The following CREB3L2 variants were observed in gnomAD, a reference collection of about 807,000 sequenced individuals.
The protein encoded by CREB3L2 is cAMP responsive element binding protein 3 like 2.
A neutral mutation model predicts 57.2 loss-of-function variants in CREB3L2; 23 were observed. That is an observed-to-expected ratio of 0.40 (90% CI 0.29 to 0.57). The LOEUF (loss-of-function observed/expected upper bound fraction) is 0.57. Among genes scored for constraint, CREB3L2 ranks in the 20% least tolerant of loss-of-function variants. The pLI, the probability that CREB3L2 is intolerant of heterozygous loss-of-function variation, is 0.42. For missense variants in CREB3L2, 628 were observed against 634.7 expected, an observed-to-expected ratio of 0.99 and a Z score of 0.11; for synonymous variants, 268 against 265.1, an observed-to-expected ratio of 1.01 and a Z score of -0.11.
chr7:137,956,398 T>C (rs989136686), intron 1 of CREB3L2, among the ~76,000 whole-genome samples: 1 of 152,220 alleles, frequency 6.6e-6, no homozygotes, highest in African/African-American at 2.4e-5. Context: ...AGAAAATCGT[T>C]TCGCAGTGTT....
At position 138,001,826 on chromosome 7, in the gene CREB3L2, G is replaced by A; in HGVS notation, c.-121C>T. The A allele has an allele frequency of 1.5e-6, 1 of 648,574 alleles. No homozygotes were observed. The highest frequency in any genetic ancestry group is 2.5e-6 in the Non-Finnish European group (1 of 407,458). The allele number at this position is 648,574 out of a possible 1,614,324, so 40.2% of individuals were successfully genotyped here. On this transcript the variant is annotated 5_prime_UTR_variant, in exon 1 of 12. Coordinates refer to ENST00000330387, the MANE Select transcript of CREB3L2 (RefSeq NM_194071.4). This position sits in a 1 kb window ranked among gnomAD's most constrained non-coding sequence, Gnocchi z 4.2. ...CTTGCGTGTGTGCGCGCGCGTGTCT[G>A]TAGTTTTGCACTTGGAAAGCAAACG...
At chr7:137,885,241 C>T in intron 9 of CREB3L2, 120 bp from the exon 10 acceptor site, 1 of 1,252,092 alleles carries the variant, frequency 8.0e-7, no homozygotes, top group Non-Finnish European at 1.1e-6. Flanking sequence ...CTGCACCCAC[C>T]AGTCACATCA....
At chr7:137,946,426 G>GAAA (rs34011740) in intron 1 of CREB3L2, among the ~76,000 whole-genome samples, 2 of 102,494 alleles carry the variant, frequency 2.0e-5, no homozygotes, top group Non-Finnish European at 2.1e-5. Context: ...TACAAATGCA[G>GAAA]AAAAAAAAAA....
At chr7:137,957,109 G>A (rs1045297013) in intron 1 of CREB3L2, among the ~76,000 whole-genome samples, 9 of 152,058 alleles carry the variant, frequency 5.9e-5, no homozygotes, top group African/African-American at 2.2e-4. Flanking sequence ...ATGATGACGT[G>A]GAGTTCCCTG....
intron 8 of CREB3L2, among the ~76,000 whole-genome samples, chr7:137,895,151 C>T (rs976435629): frequency 1.3e-5 from 2 of 152,106 alleles, no homozygotes; most frequent in East Asian, 1.9e-4. Context: ...ACTAATGGGC[C>T]GGGCAGTGTA....
intron 10 of CREB3L2, among the ~76,000 whole-genome samples, chr7:137,883,557 G>A (rs1799344559): frequency 6.6e-6 from 1 of 152,142 alleles, no homozygotes; most frequent in Non-Finnish European, 1.5e-5. Flanking sequence ...GTTTGATTTA[G>A]AAATTAGGCC....
chr7:137,922,386 A>ATGTATATATATATATATATATATATG (rs1326136428), intron 2 of CREB3L2, among the ~76,000 whole-genome samples: 2 of 14,976 alleles, frequency 1.3e-4, no homozygotes, highest in Non-Finnish European at 1.1e-4. Context: ...ATATATATGT[A>ATGTATATATATATATATATATATATG]TATATATATA....
intron 1 of CREB3L2, among the ~76,000 whole-genome samples, chr7:137,996,701 C>T (rs1012633678): frequency 1.3e-5 from 2 of 152,228 alleles, no homozygotes; most frequent in Non-Finnish European, 2.9e-5. Flanking sequence ...TCCATCTGGA[C>T]ACCAGGCAGG....
At position 137,880,039 on chromosome 7, in the gene CREB3L2, G is replaced by A. The variant is rs565786155; in HGVS notation, c.*437C>T. 5.1e-5 allele frequency: 14 copies of A among 272,628 alleles called. No homozygotes were observed. Among genetic ancestry groups the A allele is most frequent in the African/African-American group, 3.0e-4 (14 of 46,474 alleles). 16.9% of individuals were successfully genotyped at this position (272,628 alleles called of 1,614,324 possible). A position where few individuals can be genotyped will look rare whatever the true frequency, so the allele number is the denominator to read the frequency against. ...CCCAGTGCGAGCAACGGAGGACACG[G>A]GTCAGTGCTTTGCCAAATACCAACA... On this transcript the variant is annotated 3_prime_UTR_variant, in exon 12 of 12. Transcript: ENST00000330387. This position sits in a 1 kb window ranked among gnomAD's most constrained non-coding sequence, Gnocchi z 4.0.
chr7:137,991,391 C>G (rs1022965640), intron 1 of CREB3L2, among the ~76,000 whole-genome samples: 2 of 151,832 alleles, frequency 1.3e-5, no homozygotes, highest in East Asian at 3.9e-4. Context: ...GTCTCGATCT[C>G]CTGACCTCGT....
intron 2 of CREB3L2, among the ~76,000 whole-genome samples, chr7:137,926,280 G>A (rs548253533): frequency 9.2e-5 from 14 of 152,244 alleles, no homozygotes; most frequent in Non-Finnish European, 1.5e-4. Flanking sequence ...ACACATGCAC[G>A]CGTATGTTTA....
chr7:137,977,253 T>C (rs1339508030), intron 1 of CREB3L2, among the ~76,000 whole-genome samples: 1 of 152,210 alleles, frequency 6.6e-6, no homozygotes, highest in Non-Finnish European at 1.5e-5. Flanking sequence ...CAATAAACCC[T>C]GCCTAGATTT....
intron 1 of CREB3L2, among the ~76,000 whole-genome samples, chr7:137,993,170 GAA>G (rs1801930793): frequency 2.0e-5 from 3 of 152,324 alleles, no homozygotes; most frequent in African/African-American, 7.2e-5. Flanking sequence ...TTCTCAAAGA[GAA>G]GACATTTGAC....
At position 137,880,123 on chromosome 7, in the gene CREB3L2, G is replaced by A. The variant is rs755821252; in HGVS notation, c.*353C>T. 9 of 342,996 alleles carry A rather than the reference G, an allele frequency of 2.6e-5. No individual in the cohort carries two copies. The highest frequency in any genetic ancestry group is 9.2e-5 in the South Asian group (2 of 21,812). The allele number at this position is 342,996 out of a possible 1,614,324, so 21.2% of individuals were successfully genotyped here. On this transcript the variant is annotated 3_prime_UTR_variant, in exon 12 of 12. Transcript: ENST00000330387. This position sits in a 1 kb window ranked among gnomAD's most constrained non-coding sequence, Gnocchi z 4.0. ...GTCTTGACTGAACAAGAGCCATCTC[G>A]TCTCCAAAGCGGGGGGTTACACCTC...
At chr7:137,943,523 T>C (rs1030452506) in intron 1 of CREB3L2, among the ~76,000 whole-genome samples, 31 of 152,150 alleles carry the variant, frequency 2.0e-4, no homozygotes, top group Admixed American at 1.9e-3. Context: ...ACTGTACTAC[T>C]TTCTCCTCAA....
chr7:137,984,148 G>A (rs964963364), intron 1 of CREB3L2, among the ~76,000 whole-genome samples: 8 of 152,180 alleles, frequency 5.3e-5, no homozygotes, highest in Non-Finnish European at 1.0e-4. Context: ...CCAGACCTTG[G>A]ATTCTACAAA....
intron 1 of CREB3L2, among the ~76,000 whole-genome samples, chr7:137,948,757 T>A (rs1047739872): frequency 7.9e-5 from 12 of 152,202 alleles, no homozygotes; most frequent in African/African-American, 2.9e-4. Flanking sequence ...AATTGACCAT[T>A]CCTATCCAGT....
intron 5 of CREB3L2, among the ~76,000 whole-genome samples, chr7:137,907,118 A>G (rs1489219229): frequency 6.6e-6 from 1 of 152,210 alleles, no homozygotes; most frequent in East Asian, 1.9e-4. Flanking sequence ...CATAAGAGAG[A>G]GGAGTGCATT....
At chr7:137,951,174 G>T (rs566022683) in intron 1 of CREB3L2, among the ~76,000 whole-genome samples, 1 of 152,184 alleles carries the variant, frequency 6.6e-6, no homozygotes, top group Non-Finnish European at 1.5e-5. Context: ...TCATATCTTT[G>T]TGCTTTTTGT....
Sources: gnomAD v4.1 joint callset for allele counts (sites outside exome capture counted in the v4.1 genomes callset) on GRCh38, gnomAD v4.1.1 for gene constraint, Gnocchi (gnomAD v3.1) non-coding constraint, MANE v1.5 for transcripts, NCBI Gene and HGNC (gene_info 2026-07-23, HGNC 2026-07-21) for gene names.